Variants in ADGRB3 observed in about 807,000 individuals in gnomAD.
ADGRB3 encodes the protein brain-specific angiogenesis inhibitor 3.
A neutral mutation model predicts 193.4 loss-of-function variants in ADGRB3; 37 were observed. The ratio of observed to expected loss-of-function variants is 0.19; its 90% confidence interval spans 0.15 to 0.25. The LOEUF is 0.25. ADGRB3 is among the 10% of genes least tolerant of loss of function. The pLI, the probability that ADGRB3 is intolerant of heterozygous loss-of-function variation, is 1.00. For missense variants in ADGRB3, 1,637 were observed against 1,852.9 expected, an observed-to-expected ratio of 0.88 and a Z score of 2.14; for synonymous variants, 690 against 644.2, an observed-to-expected ratio of 1.07 and a Z score of -1.08.
chr6:68,887,652 CTTTG>C (rs1375143531), intron 3 of ADGRB3, among the ~76,000 whole-genome samples: 2 of 151,934 alleles, frequency 1.3e-5, no homozygotes, highest in East Asian at 1.9e-4. Context: ...TGACTTAACT[CTTTG>C]TTTAATATCT....
chr6:69,198,694 A>G (rs917243533), intron 17 of ADGRB3, among the ~76,000 whole-genome samples: 3 of 152,240 alleles, frequency 2.0e-5, no homozygotes, highest in South Asian at 2.1e-4. Flanking sequence ...GGAGTGAGTA[A>G]CAGGGGCCAA....
intron 17 of ADGRB3, among the ~76,000 whole-genome samples, chr6:69,185,369 A>G (rs552930278): frequency 6.6e-6 from 1 of 152,246 alleles, no homozygotes; most frequent in African/African-American, 2.4e-5. Context: ...TTTGGCCATT[A>G]GGCTGCTAAG....
intron 3 of ADGRB3, among the ~76,000 whole-genome samples, chr6:68,817,099 G>A (rs1243713966): frequency 6.6e-6 from 1 of 151,168 alleles, no homozygotes; most frequent in Non-Finnish European, 1.5e-5. Context: ...TCTGTTATTG[G>A]CCTCTGTATT....
intron 20 of ADGRB3, among the ~76,000 whole-genome samples, chr6:69,307,543 T>C (rs1042670275): frequency 6.6e-6 from 1 of 151,676 alleles, no homozygotes; most frequent in Non-Finnish European, 1.5e-5. Flanking sequence ...TCTTCACCTT[T>C]CTGTGACACT....
In ADGRB3 at chr6:69,055,807, G is replaced by T. The variant is rs534901019; in HGVS notation, c.2333+6461G>T. ...TTTGTTATGTTGTTTTTTTGTTTTT[G>T]TTTTTTTTTGTTTTGCTTTGTTTTG... On this transcript the variant is annotated intron_variant, in intron 15 of 31. Coordinates refer to ENST00000370598, the MANE Select transcript of ADGRB3 (RefSeq NM_001704.3). Among the ~76,000 whole-genome samples the T allele has an allele frequency of 5.3e-5, 8 of 150,170 alleles. No individual in the cohort carries two copies. In the South Asian group the frequency reaches 8.4e-4, roughly 16 times the overall value.
At chr6:69,248,968 A>G (rs1302491139) in intron 20 of ADGRB3, among the ~76,000 whole-genome samples, 2 of 152,046 alleles carry the variant, frequency 1.3e-5, no homozygotes, top group African/African-American at 4.8e-5. Context: ...AACACTTTGA[A>G]TTTCTTCTTC....
rs147062750 is a variant in ADGRB3 at position 69,162,663 on chromosome 6, A to G, written c.2481-70627A>G. ...ACTTAAAGGTGCCAAGAGAATCAGC[A>G]TACAAAATGATGCAACATTTTATAA... is the stretch of plus-strand genomic sequence containing the variant. On this transcript the variant is annotated intron_variant, in intron 17 of 31. Coordinates refer to ENST00000370598, the MANE Select transcript of ADGRB3 (RefSeq NM_001704.3). Among the ~76,000 whole-genome samples the G allele has an allele frequency of 1.5e-3, 235 of 152,280 alleles. 3 individuals carry two copies. Among genetic ancestry groups the G allele is most frequent in the African/African-American group, 5.2e-3 (218 of 41,566 alleles).
intron 17 of ADGRB3, among the ~76,000 whole-genome samples, chr6:69,160,445 A>C (rs891820994): frequency 6.6e-6 from 1 of 152,112 alleles, no homozygotes; most frequent in African/African-American, 2.4e-5. Context: ...TAATCATGAC[A>C]TTCACTTATC....
At chr6:68,927,482 G>T (rs1188763808) in intron 3 of ADGRB3, among the ~76,000 whole-genome samples, 4 of 152,050 alleles carry the variant, frequency 2.6e-5, no homozygotes, top group Non-Finnish European at 5.9e-5. Context: ...AAGTGAAGAA[G>T]ATAATGCCAT....
chr6:68,973,921 A>C (rs1367899502), intron 8 of ADGRB3, among the ~76,000 whole-genome samples: 1 of 152,196 alleles, frequency 6.6e-6, no homozygotes, highest in Non-Finnish European at 1.5e-5. Context: ...ACAGTTAAAC[A>C]TCTGTTATTT....
At chr6:69,108,969 A>G (rs1773293624) in intron 17 of ADGRB3, among the ~76,000 whole-genome samples, 1 of 152,172 alleles carries the variant, frequency 6.6e-6, no homozygotes, top group Admixed American at 6.5e-5. Context: ...ATAAACTGGA[A>G]GTGTCTTGGG....
intron 3 of ADGRB3, among the ~76,000 whole-genome samples, chr6:68,902,407 C>A (rs116783161): frequency 6.6e-6 from 1 of 151,782 alleles, no homozygotes; most frequent in Admixed American, 6.6e-5. Context: ...TCTTTCATTA[C>A]GCAAGAAACA....
chr6:69,063,535 T>TATATAGTTTAA (rs1771811915), intron 16 of ADGRB3, among the ~76,000 whole-genome samples: 1 of 152,004 alleles, frequency 6.6e-6, no homozygotes, highest in Non-Finnish European at 1.5e-5. Context: ...AAAATTTAAG[T>TATATAGTTTAA]TGCATGCCAC....
chr6:69,364,502 A>G (rs554166463), intron 29 of ADGRB3, among the ~76,000 whole-genome samples: 1 of 152,236 alleles, frequency 6.6e-6, no homozygotes, highest in Non-Finnish European at 1.5e-5. Context: ...CAATAAATTC[A>G]TGAAGTTTCT....
chr6:68,702,314 G>C (rs1476905116), intron 3 of ADGRB3, among the ~76,000 whole-genome samples: 1 of 151,972 alleles, frequency 6.6e-6, no homozygotes, highest in Non-Finnish European at 1.5e-5. Flanking sequence ...CAAGGGGATG[G>C]TACTAAACCA....
chr6:68,904,013 G>T, intron 3 of ADGRB3, among the ~76,000 whole-genome samples: 1 of 104,292 alleles, frequency 9.6e-6, no homozygotes, highest in Non-Finnish European at 2.0e-5. Context: ...AAAAAGGGGA[G>T]AAGAAGAGAG....
In ADGRB3 at chr6:69,292,541, A is replaced by C. The variant is rs557537163; in HGVS notation, c.2815-32331A>C. The stretch of plus-strand genomic sequence containing the variant: ...TGGCATTCCTTGTCTGTCCATTCTT[A>C]CTTCCTTCCACTCCCCACCCCTTTT... On this transcript the variant is annotated intron_variant, in intron 20 of 31. Coordinates refer to ENST00000370598, the MANE Select transcript of ADGRB3 (RefSeq NM_001704.3). 3.3e-5 allele frequency among the ~76,000 whole-genome samples: 5 copies of C among 152,060 alleles called. No homozygotes were observed. In the South Asian group the frequency reaches 8.3e-4, roughly 25 times the overall value.
intron 21 of ADGRB3, 91 bp downstream of exon 21, chr6:69,325,113 CTT>C: frequency 7.8e-6 from 11 of 1,412,624 alleles, no homozygotes; most frequent in Non-Finnish European, 1.1e-5. Context: ...ACACAGGCTA[CTT>C]TGTGTCTAAT....
intron 17 of ADGRB3, among the ~76,000 whole-genome samples, chr6:69,163,675 G>A (rs942498508): frequency 4.6e-5 from 7 of 152,068 alleles, no homozygotes; most frequent in Non-Finnish European, 1.0e-4. Flanking sequence ...GATAGATTAA[G>A]AAGCTGGTTG....
Sources: allele counts gnomAD v4.1 joint callset (sites outside exome capture counted in the v4.1 genomes callset), GRCh38; gene constraint gnomAD v4.1.1; transcripts MANE v1.5; gene names NCBI Gene and HGNC (gene_info 2026-07-23, HGNC 2026-07-21).